The following THRB variants were observed in gnomAD, a reference collection of about 807,000 sequenced individuals.
THRB encodes nuclear receptor subfamily 1 group A member 2.
THRB carries 12 observed loss-of-function variants against 47.8 expected under a neutral mutation model. The observed-to-expected ratio is 0.25, with a 90% CI of 0.16 to 0.41. The LOEUF is 0.41. THRB is among the 10% of genes least tolerant of loss of function. The pLI is 1.00. For synonymous variants in THRB, 218 were observed against 212.2 expected, an observed-to-expected ratio of 1.03 and a Z score of -0.24; for missense variants, 348 against 589.2, an observed-to-expected ratio of 0.59 and a Z score of 4.24.
At chr3:24,429,701 C>A (rs538707402) in intron 1 of THRB, among the ~76,000 whole-genome samples, 7 of 152,010 alleles carry the variant, frequency 4.6e-5, no homozygotes, top group African/African-American at 1.4e-4. Flanking sequence ...AGAGACAGGG[C>A]CTTACTATGT....
chr3:24,396,025 T>C (rs1160877137), intron 1 of THRB, among the ~76,000 whole-genome samples: 2 of 152,194 alleles, frequency 1.3e-5, no homozygotes, highest in East Asian at 1.9e-4. Context: ...GGATTTCTTT[T>C]TGAGGTGATG....
At chr3:24,168,154 C>T (rs192100806) in intron 5 of THRB, among the ~76,000 whole-genome samples, 9 of 152,240 alleles carry the variant, frequency 5.9e-5, no homozygotes, top group African/African-American at 1.2e-4. Flanking sequence ...TTACTTGTAA[C>T]GAATGCACAA....
At chr3:24,289,092 G>T (rs1023072301) in intron 3 of THRB, among the ~76,000 whole-genome samples, 20 of 152,188 alleles carry the variant, frequency 1.3e-4, no homozygotes, top group Non-Finnish European at 2.9e-4. Context: ...CAAGAGCCCA[G>T]TGTGGGGTTT....
rs955852058 is a variant in THRB, at chr3:24,230,114, C to T, written c.-42-1113G>A. 4.6e-5 allele frequency among the ~76,000 whole-genome samples: 7 copies of T among 152,152 alleles called. No individual in the cohort carries two copies. The South Asian group carries it at 6.2e-4, about 14-fold the overall frequency. Reference sequence around the variant, plus strand: ...ATAACTGGTTGGAGAAGAAAAAGAACGAGGCAGAGGAAGTGTGTGGATTAT... The same window carrying T: ...ATAACTGGTTGGAGAAGAAAAAGAATGAGGCAGAGGAAGTGTGTGGATTAT... On this transcript the variant is annotated intron_variant, in intron 3 of 10. Coordinates refer to ENST00000646209, the MANE Select transcript of THRB (RefSeq NM_001354712.2).
chr3:24,409,471 T>C (rs1577371927), intron 1 of THRB, among the ~76,000 whole-genome samples: 1 of 151,840 alleles, frequency 6.6e-6, no homozygotes, highest in Non-Finnish European at 1.5e-5. Flanking sequence ...CTAAGTCACA[T>C]TCTGGCTCTG....
intron 2 of THRB, among the ~76,000 whole-genome samples, chr3:24,310,563 G>C (rs2057684870): frequency 6.6e-6 from 1 of 152,148 alleles, no homozygotes; most frequent in Non-Finnish European, 1.5e-5. Flanking sequence ...GTCCGGGTTG[G>C]GGTCATAGAA....
chr3:24,335,587 C>T (rs1005087233), intron 2 of THRB, among the ~76,000 whole-genome samples: 36 of 152,058 alleles, frequency 2.4e-4, no homozygotes, highest in African/African-American at 7.7e-4. Flanking sequence ...TTAACAGATG[C>T]CAGGTAGCCC....
At chr3:24,215,302 T>C (rs2046443387) in intron 4 of THRB, among the ~76,000 whole-genome samples, 1 of 152,230 alleles carries the variant, frequency 6.6e-6, no homozygotes, top group African/African-American at 2.4e-5. Flanking sequence ...AACTCTAGGA[T>C]GCTATCTGCC....
chr3:24,177,347 G>GA (rs1410491426), intron 5 of THRB, among the ~76,000 whole-genome samples: 1 of 152,152 alleles, frequency 6.6e-6, no homozygotes, highest in Non-Finnish European at 1.5e-5. Context: ...TGCAAGCCTA[G>GA]ACTCGAAGCT....
At chr3:24,343,546 G>T (rs547017514) in intron 1 of THRB, among the ~76,000 whole-genome samples, 121 of 152,152 alleles carry the variant, frequency 8.0e-4, no homozygotes, top group African/African-American at 2.9e-3. Flanking sequence ...AATAGACAAA[G>T]CAACTCCTGT....
intron 5 of THRB, among the ~76,000 whole-genome samples, chr3:24,188,886 A>ATATATATATATAT (rs1559548533): frequency 2.9e-5 from 2 of 68,262 alleles, no homozygotes; most frequent in African/African-American, 2.5e-4. Flanking sequence ...TATATATATG[A>ATATATATATATAT]GAGAAAGAGA....
Position 24,275,435 on chromosome 3 carries a change from C to A in THRB, c.-43+21791G>T, listed in dbSNP as rs191527938. Among the ~76,000 whole-genome samples, 401 of 152,256 alleles carry A rather than the reference C, an allele frequency of 2.6e-3. 3 individuals carry two copies. The highest frequency in any genetic ancestry group is 6.2e-4 in the Non-Finnish European group (42 of 68,028). Reference sequence around the variant, plus strand: ...TTAAAAATTCTCTGCTTTGAGGGGCCAGCCTACAGTTAGGCACCTTTGTGG... The same window carrying A: ...TTAAAAATTCTCTGCTTTGAGGGGCAAGCCTACAGTTAGGCACCTTTGTGG... On this transcript the variant is annotated intron_variant, in intron 3 of 10. Coordinates refer to ENST00000646209, the MANE Select transcript of THRB (RefSeq NM_001354712.2).
chr3:24,255,069 C>A (rs1361766117), intron 3 of THRB, among the ~76,000 whole-genome samples: 2 of 152,206 alleles, frequency 1.3e-5, no homozygotes, highest in Admixed American at 6.5e-5. Flanking sequence ...GAGACATCCA[C>A]CAAGATATAG....
At chr3:24,128,770 C>A (rs545547812) in intron 9 of THRB, among the ~76,000 whole-genome samples, 6 of 11,284 alleles carry the variant, frequency 5.3e-4, no homozygotes, top group Admixed American at 5.0e-3. Flanking sequence ...TGGGTGGGGG[C>A]GGGGGTGGTC....
intron 1 of THRB, among the ~76,000 whole-genome samples, chr3:24,442,342 T>C (rs1428569951): frequency 1.3e-5 from 2 of 152,174 alleles, no homozygotes; most frequent in Admixed American, 6.5e-5. Flanking sequence ...AAGTAACTTG[T>C]TGGAGTTTAC....
intron 1 of THRB, among the ~76,000 whole-genome samples, chr3:24,446,015 GAGAAAAAAACTGGA>G (rs2072038227): frequency 6.6e-6 from 1 of 152,078 alleles, no homozygotes; most frequent in Non-Finnish European, 1.5e-5. Flanking sequence ...CATATATGCA[GAGAAAAAAACTGGA>G]AGAAAATATG....
chr3:24,320,522 T>C (rs1445008315), intron 2 of THRB, among the ~76,000 whole-genome samples: 4 of 152,156 alleles, frequency 2.6e-5, no homozygotes, highest in Non-Finnish European at 5.9e-5. Context: ...ACAAAATGTA[T>C]GAACATGTTT....
chr3:24,433,886 C>T (rs994033815), intron 1 of THRB, among the ~76,000 whole-genome samples: 8 of 152,166 alleles, frequency 5.3e-5, no homozygotes, highest in East Asian at 3.9e-4. Context: ...ACAGCCATAA[C>T]GCTGAGGGTC....
chr3:24,132,684 G>A (rs2034053503), intron 9 of THRB, among the ~76,000 whole-genome samples: 2 of 152,252 alleles, frequency 1.3e-5, no homozygotes, highest in South Asian at 2.1e-4. Context: ...ACTCCGGTGG[G>A]ACAGCTCTAC....
Sources: gnomAD v4.1 joint callset for allele counts (sites outside exome capture counted in the v4.1 genomes callset) on GRCh38, gnomAD v4.1.1 for gene constraint, MANE v1.5 for transcripts, NCBI Gene and HGNC (gene_info 2026-07-23, HGNC 2026-07-21) for gene names.